Variants in SEMA5A observed in about 807,000 individuals in gnomAD.
SEMA5A encodes the protein semaphorin-5A.
SEMA5A carries 55 observed loss-of-function variants against 135.5 expected under a neutral mutation model. The observed-to-expected ratio is 0.41, with a 90% CI of 0.33 to 0.51. The LOEUF is 0.51. Ranked by LOEUF, SEMA5A falls within the 20% of genes least tolerant of loss-of-function variation. SEMA5A has a pLI of 0.37. For missense variants in SEMA5A, 1,290 were observed against 1,419.9 expected (o/e 0.91, Z 1.47); for synonymous variants, 580 against 546.5 (o/e 1.06, Z -0.85).
In SEMA5A at chr5:9,105,076, A is replaced by G. The variant is rs551716936; in HGVS notation, c.2073+3064T>C. Among the ~76,000 whole-genome samples, 6 of 152,308 alleles carry G rather than the reference A, an allele frequency of 3.9e-5. 1 individual carries two copies. The South Asian group carries it at 1.2e-3, about 32-fold the overall frequency. On this transcript the variant is annotated intron_variant, in intron 16 of 22. Transcript: ENST00000382496. ...AGGGCAGTGAATGCATCTCAAGTTC[A>G]CAGAGTTAAGTGACAGCACAAGATC...
intron 14 of SEMA5A, among the ~76,000 whole-genome samples, chr5:9,121,001 C>T (rs1740787101): frequency 6.6e-6 from 1 of 152,110 alleles, no homozygotes; most frequent in Non-Finnish European, 1.5e-5. Context: ...TGGTTTTGAA[C>T]TCCCGACCTC....
intron 3 of SEMA5A, among the ~76,000 whole-genome samples, chr5:9,362,817 A>G (rs1278046148): frequency 6.6e-6 from 1 of 152,200 alleles, no homozygotes; most frequent in African/African-American, 2.4e-5. Flanking sequence ...TTGAAAGCAG[A>G]AACTCTTTAG....
chr5:9,249,063 T>C (rs991209462), intron 5 of SEMA5A, among the ~76,000 whole-genome samples: 9 of 152,240 alleles, frequency 5.9e-5, no homozygotes, highest in Non-Finnish European at 1.3e-4. Context: ...AGTATCTGTG[T>C]GTCCATCTAC....
At chr5:9,207,135 A>ATATATATATATATATATATAT (rs1579614392) in intron 8 of SEMA5A, among the ~76,000 whole-genome samples, 1 of 51,746 alleles carries the variant, frequency 1.9e-5, no homozygotes, top group South Asian at 7.9e-4. Flanking sequence ...TATATATATA[A>ATATATATATATATATATATAT]AGCTTAAAGG....
At chr5:9,178,052 G>A (rs569243488) in intron 11 of SEMA5A, among the ~76,000 whole-genome samples, 1 of 152,164 alleles carries the variant, frequency 6.6e-6, no homozygotes, top group Admixed American at 6.5e-5. Flanking sequence ...GATGTCTCAT[G>A]GTGACAGAAC....
intron 5 of SEMA5A, among the ~76,000 whole-genome samples, chr5:9,297,411 A>C (rs1751393659): frequency 6.6e-6 from 1 of 152,154 alleles, no homozygotes; most frequent in Non-Finnish European, 1.5e-5. Flanking sequence ...GATTGAGATT[A>C]GTGCCCTGAT....
intron 2 of SEMA5A, among the ~76,000 whole-genome samples, chr5:9,383,673 C>G (rs1755709449): frequency 6.6e-6 from 1 of 152,174 alleles, no homozygotes; most frequent in Non-Finnish European, 1.5e-5. Flanking sequence ...TTTTCTTACA[C>G]ATAGTTTTTC....
In SEMA5A at chr5:9,363,688, G is replaced by A. The variant is rs373564794; in HGVS notation, c.124+16135C>T. ...AGCTCCACATAGTTATGGAGGTAAA[G>A]GAAACTGGAGGCTTTGAGAATTACA... On this transcript the variant is annotated intron_variant, in intron 3 of 22. Coordinates refer to ENST00000382496, the MANE Select transcript of SEMA5A (RefSeq NM_003966.3). Among the ~76,000 whole-genome samples, 63 of 152,288 alleles carry A rather than the reference G, an allele frequency of 4.1e-4. No individual in the cohort carries two copies. The South Asian group carries it at 0.013, about 32-fold the overall frequency.
At chr5:9,075,383 CAAAAGCT>C (rs1420391362) in intron 16 of SEMA5A, among the ~76,000 whole-genome samples, 4 of 151,306 alleles carry the variant, frequency 2.6e-5, no homozygotes, top group Non-Finnish European at 4.4e-5. Context: ...TGAATGTTCA[CAAAAGCT>C]TTAATTGTAA....
intron 6 of SEMA5A, among the ~76,000 whole-genome samples, chr5:9,229,740 A>T (rs1747519231): frequency 6.6e-6 from 1 of 152,106 alleles, no homozygotes; most frequent in Admixed American, 6.5e-5. Context: ...AAAAAAAAAA[A>T]AAAGCAAGAG....
chr5:9,225,491 C>G (rs1473460220), intron 7 of SEMA5A, among the ~76,000 whole-genome samples: 1 of 149,776 alleles, frequency 6.7e-6, no homozygotes, highest in Non-Finnish European at 1.5e-5. Flanking sequence ...ATCGCTTGAA[C>G]CCAGGAGGCG....
intron 8 of SEMA5A, among the ~76,000 whole-genome samples, chr5:9,224,252 T>C (rs2150415377): frequency 6.6e-6 from 1 of 152,354 alleles, no homozygotes; most frequent in South Asian, 2.1e-4. Context: ...TGGAGTTACC[T>C]ATAGACAAAC....
At chr5:9,158,804 A>G (rs2526120) in intron 11 of SEMA5A, among the ~76,000 whole-genome samples, 83,864 of 152,098 alleles carry the variant, frequency 0.55, 25,854 homozygotes, top group Middle Eastern at 0.77. Context: ...TAGTGTTGAT[A>G]TGGTTATTAT....
intron 11 of SEMA5A, among the ~76,000 whole-genome samples, chr5:9,176,042 C>T (rs2150316415): frequency 1.3e-5 from 2 of 152,280 alleles, no homozygotes; most frequent in East Asian, 1.9e-4. Context: ...TGTGTCACTC[C>T]TGTGATTAGA....
At chr5:9,109,027 AAT>A (rs1740083223) in intron 15 of SEMA5A, among the ~76,000 whole-genome samples, 2 of 118,928 alleles carry the variant, frequency 1.7e-5, no homozygotes, top group Admixed American at 1.9e-4. Flanking sequence ...ATTTCTCTTC[AAT>A]TTTTTTTTTT....
chr5:9,336,844 T>C (rs1753413970), intron 4 of SEMA5A, among the ~76,000 whole-genome samples: 1 of 152,228 alleles, frequency 6.6e-6, no homozygotes, highest in Admixed American at 6.5e-5. Flanking sequence ...GCATGCTTTA[T>C]ACTCTGGTAC....
chr5:9,134,750 TG>T (rs754626122), intron 13 of SEMA5A, among the ~76,000 whole-genome samples: 47 of 152,190 alleles, frequency 3.1e-4, no homozygotes, highest in Non-Finnish European at 3.8e-4. Context: ...TGATTAAAAA[TG>T]CAAGATCAAA....
chr5:9,171,611 A>T (rs1031286418), intron 11 of SEMA5A, among the ~76,000 whole-genome samples: 1 of 152,158 alleles, frequency 6.6e-6, no homozygotes, highest in African/African-American at 2.4e-5. Context: ...AGATTTATTT[A>T]TGATCTATGA....
intron 16 of SEMA5A, among the ~76,000 whole-genome samples, chr5:9,069,812 C>G (rs1737676063): frequency 1.3e-5 from 2 of 152,146 alleles, no homozygotes; most frequent in Admixed American, 6.5e-5. Context: ...AATGCTGCCT[C>G]TTAAATGAAA....
Sources: allele counts gnomAD v4.1 joint callset (sites outside exome capture counted in the v4.1 genomes callset), GRCh38; gene constraint gnomAD v4.1.1; transcripts MANE v1.5; gene names NCBI Gene and HGNC (gene_info 2026-07-23, HGNC 2026-07-21).